Variants in CDK5 observed in about 807,000 individuals in gnomAD.
CDK5 encodes cyclin dependent kinase 5.
Under a neutral mutation model 44.6 loss-of-function variants are expected in CDK5, and 18 were observed. The ratio of observed to expected loss-of-function variants is 0.40; its 90% confidence interval spans 0.28 to 0.60. The LOEUF is 0.60. Ranked by LOEUF, CDK5 falls within the 20% of genes least tolerant of loss-of-function variation. The pLI is 0.38. For synonymous variants in CDK5, 143 were observed against 152.8 expected (o/e 0.94, Z 0.47); for missense variants, 198 against 368.1 (o/e 0.54, Z 3.78).
At position 151,054,928 on chromosome 7, in the gene CDK5, T is replaced by C; in HGVS notation, c.650+99A>G. 8.2e-7 allele frequency: 1 copy of C among 1,214,262 alleles called. No homozygotes were observed. 75.2% of individuals were successfully genotyped at this position (1,214,262 alleles called of 1,614,324 possible). A position where few individuals can be genotyped will look rare whatever the true frequency, so the allele number is the denominator to read the frequency against. ...CTCAGGAGAAGCCCTACAGACCCCA[T>C]CACCCTACCCCACACCATCACTGCC... On this transcript the variant is annotated intron_variant, in intron 9 of 11. Transcript: ENST00000485972. The surrounding 1 kb of genome is among the most constrained non-coding windows in gnomAD (Gnocchi z 5.7).
Position 151,057,050 on chromosome 7 carries a change from G to T in CDK5, c.126+22C>A. 1 of 1,596,798 alleles carries T rather than the reference G, an allele frequency of 6.3e-7. No homozygotes were observed. Among genetic ancestry groups the T allele is most frequent in the Non-Finnish European group, 8.6e-7 (1 of 1,164,934 alleles). On this transcript the variant is annotated intron_variant, in intron 2 of 11. Transcript: ENST00000485972. The surrounding 1 kb of genome is among the most constrained non-coding windows in gnomAD (Gnocchi z 5.2). Reference sequence around the variant, plus strand: ...AGGCCCTCAAACCCCTCCCCAGGCCGTATCCCACTCCCCAGTCCTACCTCA... The same window carrying T: ...AGGCCCTCAAACCCCTCCCCAGGCCTTATCCCACTCCCCAGTCCTACCTCA...
Position 151,056,876 on chromosome 7 carries a change from A to T in CDK5, c.194+32T>A. On this transcript the variant is annotated intron_variant, in intron 3 of 11. Coordinates refer to ENST00000485972, the MANE Select transcript of CDK5 (RefSeq NM_004935.4). The surrounding 1 kb of genome is among the most constrained non-coding windows in gnomAD (Gnocchi z 4.7). Reference sequence around the variant, plus strand: ...CAGCCCCCGCCTCCCCCAAGCGGCCACACCGGCAAGGAGCACCCGCCTCCC... The same window carrying T: ...CAGCCCCCGCCTCCCCCAAGCGGCCTCACCGGCAAGGAGCACCCGCCTCCC... 6.3e-7 allele frequency: 1 copy of T among 1,596,452 alleles called. No individual in the cohort carries two copies. The highest frequency in any genetic ancestry group is 1.3e-5 in the African/African-American group (1 of 74,528).
Position 151,054,564 on chromosome 7 carries a change from C to T in CDK5, c.651-99G>A. The T allele has an allele frequency of 8.8e-7, 1 of 1,136,860 alleles. No homozygotes were observed. The allele number at this position is 1,136,860 out of a possible 1,614,324, so 70.4% of individuals were successfully genotyped here. On this transcript the variant is annotated intron_variant, in intron 9 of 11. Transcript: ENST00000485972. The surrounding 1 kb of genome is among the most constrained non-coding windows in gnomAD (Gnocchi z 5.7). ...CCCTCCTGGGGAGGGATTCCTCATA[C>T]CCACCGCCCACTTCTCACCCTCCCT...
Position 151,057,367 on chromosome 7 carries a change from A to AGGGGCGAGTGCGGTTGCC in CDK5, c.38-225_38-208dup. ...ACCGAGGCTCCAGGGGCTCGGCAGG[A>AGGGGCGAGTGCGGTTGCC]GGGGCGAGTGCGGTTGCCAGGGCAA... On this transcript the variant is annotated intron_variant, in intron 1 of 11. Coordinates refer to ENST00000485972, the MANE Select transcript of CDK5 (RefSeq NM_004935.4). The surrounding 1 kb of genome is among the most constrained non-coding windows in gnomAD (Gnocchi z 5.2). 1.6e-6 allele frequency: 1 copy of AGGGGCGAGTGCGGTTGCC among 615,138 alleles called. No homozygotes were observed. The highest frequency in any genetic ancestry group is 2.9e-6 in the Non-Finnish European group (1 of 343,942). 38.1% of individuals were successfully genotyped at this position (615,138 alleles called of 1,614,324 possible). A position where few individuals can be genotyped will look rare whatever the true frequency, so the allele number is the denominator to read the frequency against.
rs556423508 is a variant in CDK5 at position 151,054,651 on chromosome 7, C to T, written c.651-186G>A. Among the ~76,000 whole-genome samples the T allele has an allele frequency of 1.3e-5, 2 of 152,188 alleles. No homozygotes were observed. The highest frequency in any genetic ancestry group is 2.9e-5 in the Non-Finnish European group (2 of 68,020). On this transcript the variant is annotated intron_variant, in intron 9 of 11. Transcript: ENST00000485972. This position sits in a 1 kb window ranked among gnomAD's most constrained non-coding sequence, Gnocchi z 5.7. Reference sequence around the variant, plus strand: ...GGCAGGTCACTCGCATATCCAGCCACGTTTCCCATGACAATCACCTAACCC... The same window carrying T: ...GGCAGGTCACTCGCATATCCAGCCATGTTTCCCATGACAATCACCTAACCC...
At position 151,056,937 on chromosome 7, in the gene CDK5, G is replaced by A; in HGVS notation, c.165C>T (p.Leu55=). ...PSSALREICL[L]KELKHKNIVR... The stretch of plus-strand genomic sequence containing the variant: ...CGATGTTCTTGTGCTTCAGCTCCTT[G>A]AGTAGGCAGATCTCCCGGAGGGCGG... The change falls in exon 3 of 12, where the codon CTC becomes CTT. Residue 55 remains leucine, a synonymous_variant. Transcript: ENST00000485972. The surrounding 1 kb of genome is among the most constrained non-coding windows in gnomAD (Gnocchi z 4.7). 1 of 1,613,416 alleles carries A rather than the reference G, an allele frequency of 6.2e-7. No individual in the cohort carries two copies. The highest frequency in any genetic ancestry group is 8.5e-7 in the Non-Finnish European group (1 of 1,179,654).
At position 151,057,075 on chromosome 7, in the gene CDK5, A is replaced by G; in HGVS notation, c.123T>C (p.Asp41=). ...GTATCCCACTCCCCAGTCCTACCTC[A>G]TCATCGTCATCCAGCCTCACCCGTT... ...ALKRVRLDDD[D]EGVPSSALRE... Residue 41 remains aspartate, a synonymous_variant, in exon 2 of 12, where the codon GAT becomes GAC. Coordinates refer to ENST00000485972, the MANE Select transcript of CDK5 (RefSeq NM_004935.4). The surrounding 1 kb of genome is among the most constrained non-coding windows in gnomAD (Gnocchi z 5.2). The G allele has an allele frequency of 6.2e-7, 1 of 1,613,714 alleles. No individual in the cohort carries two copies. Among genetic ancestry groups the G allele is most frequent in the South Asian group, 1.1e-5 (1 of 91,076 alleles).
rs538489309 is a variant in CDK5, at chr7:151,056,389, G to A, written c.312+191C>T. On this transcript the variant is annotated intron_variant, in intron 5 of 11. Transcript: ENST00000485972. This position sits in a 1 kb window ranked among gnomAD's most constrained non-coding sequence, Gnocchi z 4.7. ...CACTGACATCAGAATGACACTGTGC[G>A]GGTCAAAGATGACCACGTGAAAATG... The A allele has an allele frequency of 2.3e-5, 14 of 610,796 alleles. No homozygotes were observed. Among genetic ancestry groups the A allele is most frequent in the East Asian group, 1.4e-4 (5 of 36,522 alleles). The allele number at this position is 610,796 out of a possible 1,614,324, so 37.8% of individuals were successfully genotyped here.
At position 151,056,790 on chromosome 7, in the gene CDK5, A is replaced by G; in HGVS notation, c.201T>C (p.His67=). The change falls in exon 4 of 12, where the codon CAT becomes CAC. Residue 67 remains histidine, a synonymous_variant. Coordinates refer to ENST00000485972, the MANE Select transcript of CDK5 (RefSeq NM_004935.4). The surrounding 1 kb of genome is among the most constrained non-coding windows in gnomAD (Gnocchi z 4.7). Reference sequence around the variant, plus strand: ...GCTTCTTGTCGCTGTGCAGGACGTCATGAAGCCTAGGGCAAAAGAAGGGCT... The same window carrying G: ...GCTTCTTGTCGCTGTGCAGGACGTCGTGAAGCCTAGGGCAAAAGAAGGGCT... ...ELKHKNIVRL[H]DVLHSDKKLT... 2 of 1,611,422 alleles carry G rather than the reference A, an allele frequency of 1.2e-6. No individual in the cohort carries two copies. Among genetic ancestry groups the G allele is most frequent in the Non-Finnish European group, 1.7e-6 (2 of 1,178,768 alleles).
At position 151,054,037 on chromosome 7, in the gene CDK5, G is replaced by C. The variant is rs553172337; in HGVS notation, c.851C>G (p.Pro284Arg). The part of the protein sequence containing the change: ...RISAEEALQH[P>R]YFSDFCPP ...GGGCGGACAGAAGTCGGAGAAGTAGGGGTGCTGCAGGGCCTCTTCTGCTGA... is the reference window on the plus strand; with the variant it reads ...GGGCGGACAGAAGTCGGAGAAGTAGCGGTGCTGCAGGGCCTCTTCTGCTGA... Residue 284 changes from proline (P) to arginine (R), a missense_variant, in exon 12 of 12, where the codon CCC (proline) becomes CGC (arginine). Physicochemically the swap from Pro to Arg is moderately radical, Grantham distance 103. Coordinates refer to ENST00000485972, the MANE Select transcript of CDK5 (RefSeq NM_004935.4). This position sits in a 1 kb window ranked among gnomAD's most constrained non-coding sequence, Gnocchi z 5.7. The C allele has an allele frequency of 1.9e-6, 3 of 1,599,368 alleles. No homozygotes were observed. The highest frequency in any genetic ancestry group is 1.7e-5 in the Admixed American group (1 of 57,630).
chr7:151,056,796 C>A lies in CDK5; in HGVS notation c.195G>T (p.Arg65Ser). ...TGTCGCTGTGCAGGACGTCATGAAG[C>A]CTAGGGCAAAAGAAGGGCTCAGCCA... is the stretch of plus-strand genomic sequence containing the variant. ...LKELKHKNIV[R>S]LHDVLHSDKK... The change falls in exon 4 of 12, where the codon AGG becomes AGT. Residue 65 changes from arginine to serine, a missense_variant and splice_region_variant. Around this residue, in one of 4 missense-constraint regions of CDK5, gnomAD observed 53 missense variants for 122.7 expected, o/e 0.43. Transcript: ENST00000485972. This position sits in a 1 kb window ranked among gnomAD's most constrained non-coding sequence, Gnocchi z 4.7. The A allele has an allele frequency of 1.2e-6, 2 of 1,610,522 alleles. No individual in the cohort carries two copies. Among genetic ancestry groups the A allele is most frequent in the Non-Finnish European group, 1.7e-6 (2 of 1,178,356 alleles).
chr7:151,056,114 C>T lies in CDK5; in HGVS notation c.313-266G>A, dbSNP rs1349320545. The T allele has an allele frequency of 4.8e-5, 26 of 544,270 alleles. No homozygotes were observed. Among genetic ancestry groups the T allele is most frequent in the South Asian group, 1.2e-4 (5 of 40,392 alleles). The allele number at this position is 544,270 out of a possible 1,614,324, so 33.7% of individuals were successfully genotyped here. A position where few individuals can be genotyped will look rare whatever the true frequency, so the allele number is the denominator to read the frequency against. ...GGCCTTGGCAGGTGGATCCTAGATC[C>T]GGCCTAGATCCCAGCCCATGCTGAT... On this transcript the variant is annotated intron_variant, in intron 5 of 11. Coordinates refer to ENST00000485972, the MANE Select transcript of CDK5 (RefSeq NM_004935.4). The surrounding 1 kb of genome is among the most constrained non-coding windows in gnomAD (Gnocchi z 4.7).
Position 151,057,714 on chromosome 7 carries a change from G to T in CDK5, c.37+98C>A. ...GGCTGCAGCCGCTGCTGAGATCGGA[G>T]CCTGTAGGCATTGCTGACGGTAAGG... On this transcript the variant is annotated intron_variant, in intron 1 of 11. Transcript: ENST00000485972. The surrounding 1 kb of genome is among the most constrained non-coding windows in gnomAD (Gnocchi z 5.2). 3 of 1,310,038 alleles carry T rather than the reference G, an allele frequency of 2.3e-6. No homozygotes were observed. Among genetic ancestry groups the T allele is most frequent in the Non-Finnish European group, 1.1e-6 (1 of 926,346 alleles). The allele number at this position is 1,310,038 out of a possible 1,614,324, so 81.2% of individuals were successfully genotyped here. A position where few individuals can be genotyped will look rare whatever the true frequency, so the allele number is the denominator to read the frequency against.
At position 151,056,859 on chromosome 7, in the gene CDK5, G is replaced by C. The variant is rs1178142557; in HGVS notation, c.194+49C>G. The stretch of plus-strand genomic sequence containing the variant: ...TGACAGACGTCCAGTGTCAGCCCCC[G>C]CCTCCCCCAAGCGGCCACACCGGCA... On this transcript the variant is annotated intron_variant, in intron 3 of 11. Coordinates refer to ENST00000485972, the MANE Select transcript of CDK5 (RefSeq NM_004935.4). This position sits in a 1 kb window ranked among gnomAD's most constrained non-coding sequence, Gnocchi z 4.7. 6.3e-7 allele frequency: 1 copy of C among 1,593,456 alleles called. No homozygotes were observed. The highest frequency in any genetic ancestry group is 8.5e-7 in the Non-Finnish European group (1 of 1,170,298).
Position 151,057,614 on chromosome 7 carries a change from G to A in CDK5, c.37+198C>T. 2.9e-6 allele frequency: 2 copies of A among 688,392 alleles called. No individual in the cohort carries two copies. Among genetic ancestry groups the A allele is most frequent in the Non-Finnish European group, 2.6e-6 (1 of 387,298 alleles). The allele number at this position is 688,392 out of a possible 1,614,324, so 42.6% of individuals were successfully genotyped here. On this transcript the variant is annotated intron_variant, in intron 1 of 11. Transcript: ENST00000485972. The surrounding 1 kb of genome is among the most constrained non-coding windows in gnomAD (Gnocchi z 5.2). ...CGGGTCTACTGGGAACGCTAAGGTT[G>A]GAGTGAGAGCCCTGCGGGAAATGCT... is the stretch of plus-strand genomic sequence containing the variant.
rs1162076156 is a variant in CDK5 at position 151,054,175 on chromosome 7, A to G, written c.792+37T>C. On this transcript the variant is annotated intron_variant, in intron 11 of 11. Transcript: ENST00000485972. The surrounding 1 kb of genome is among the most constrained non-coding windows in gnomAD (Gnocchi z 5.7). The stretch of plus-strand genomic sequence containing the variant: ...CTGCCTTCCTGTAGTCCCACTGGGC[A>G]AGTGTCCTGACCCACCCTCTACCCC... 6.3e-7 allele frequency: 1 copy of G among 1,599,380 alleles called. No individual in the cohort carries two copies. The highest frequency in any genetic ancestry group is 1.3e-5 in the African/African-American group (1 of 74,744).
rs143488987 is a variant in CDK5, at chr7:151,056,521, T to A, written c.312+59A>T. On this transcript the variant is annotated intron_variant, in intron 5 of 11. Coordinates refer to ENST00000485972, the MANE Select transcript of CDK5 (RefSeq NM_004935.4). The surrounding 1 kb of genome is among the most constrained non-coding windows in gnomAD (Gnocchi z 4.7). ...CCAAACTTAGAGCCCAAGGGGTGCT[T>A]ACACCGAATGCAGACTCCGACCCCA... The A allele has an allele frequency of 1.4e-5, 21 of 1,503,158 alleles. No homozygotes were observed. The highest frequency in any genetic ancestry group is 1.8e-5 in the Non-Finnish European group (20 of 1,088,344). The allele number at this position is 1,503,158 out of a possible 1,614,324, so 93.1% of individuals were successfully genotyped here. A position where few individuals can be genotyped will look rare whatever the true frequency, so the allele number is the denominator to read the frequency against.
In CDK5 at chr7:151,054,382, G is replaced by A. The variant is rs757516342; in HGVS notation, c.711+23C>T. On this transcript the variant is annotated intron_variant, in intron 10 of 11. Transcript: ENST00000485972. The surrounding 1 kb of genome is among the most constrained non-coding windows in gnomAD (Gnocchi z 5.7). ...GAAACGAGTGACCCTGATGAACCAT[G>A]ACCCCCACATTCCCCATCACACCTT... 3.1e-6 allele frequency: 5 copies of A among 1,613,050 alleles called. No homozygotes were observed. The highest frequency in any genetic ancestry group is 1.1e-5 in the South Asian group (1 of 91,042).
rs749901062 is a variant in CDK5, at chr7:151,054,319, T to G, written c.712-27A>C. On this transcript the variant is annotated intron_variant, in intron 10 of 11. Transcript: ENST00000485972. This position sits in a 1 kb window ranked among gnomAD's most constrained non-coding sequence, Gnocchi z 5.7. ...TGTGGAGAGGCAGGGAGGGTCAGAC[T>G]AGAGGTAGGGGGAGGGGGATGGAGG... The G allele has an allele frequency of 2.5e-6, 4 of 1,612,992 alleles. No homozygotes were observed. The highest frequency in any genetic ancestry group is 3.4e-6 in the Non-Finnish European group (4 of 1,179,260).
Sources: gnomAD v4.1 joint callset for allele counts (sites outside exome capture counted in the v4.1 genomes callset) on GRCh38, gnomAD v4.1.1 for gene constraint, gnomAD v4.1.1 regional missense constraint, Gnocchi (gnomAD v3.1) non-coding constraint, MANE v1.5 for transcripts, NCBI Gene and HGNC (gene_info 2026-07-23, HGNC 2026-07-21) for gene names.